Variants in SSH2 observed in about 807,000 individuals in gnomAD.
SSH2 encodes slingshot protein phosphatase 2, also known as protein phosphatase Slingshot homolog 2.
In SSH2, 37 loss-of-function variants were observed where a neutral mutation model predicts 135.2. That is an observed-to-expected ratio of 0.27 (90% confidence interval 0.21 to 0.36). The LOEUF is 0.36. Among genes scored for constraint, SSH2 ranks in the 10% least tolerant of loss-of-function variants. The pLI, the probability that SSH2 is intolerant of heterozygous loss-of-function variation, is 1.00. For synonymous variants in SSH2, 628 were observed against 646.2 expected, an observed-to-expected ratio of 0.97 and a Z score of 0.43; for missense variants, 1,408 against 1,765.3, an observed-to-expected ratio of 0.80 and a Z score of 3.63.
At chr17:29,803,627 G>A (rs774646958) in intron 2 of SSH2, among the ~76,000 whole-genome samples, 22 of 152,106 alleles carry the variant, frequency 1.4e-4, no homozygotes, top group Non-Finnish European at 2.6e-4. Context: ...GATTCCCTTC[G>A]CACAATAGCA....
intron 2 of SSH2, among the ~76,000 whole-genome samples, chr17:29,813,272 A>C (rs1012214933): frequency 6.6e-6 from 1 of 151,732 alleles, no homozygotes; most frequent in Non-Finnish European, 1.5e-5. Flanking sequence ...AATCCCAGCT[A>C]CTTGGGAGGC....
intron 1 of SSH2, among the ~76,000 whole-genome samples, chr17:29,884,867 C>T (rs2066204943): frequency 6.6e-6 from 1 of 152,210 alleles, no homozygotes; most frequent in Admixed American, 6.5e-5. Context: ...CAACAATCCA[C>T]TCTAAATTGT....
At chr17:29,865,927 C>G (rs2065846337) in intron 1 of SSH2, 1 of 151,908 alleles carries the variant, frequency 6.6e-6, no homozygotes, top group African/African-American at 2.4e-5. Flanking sequence ...ATGGTGAAAC[C>G]CTGTCTCCAC....
At chr17:29,904,945 A>G (rs780794482) in intron 1 of SSH2, among the ~76,000 whole-genome samples, 4 of 152,204 alleles carry the variant, frequency 2.6e-5, no homozygotes, top group Non-Finnish European at 5.9e-5. Flanking sequence ...TAACAAGGGA[A>G]GTGAAGGACC....
chr17:29,887,225 A>G (rs2066255475), intron 1 of SSH2, among the ~76,000 whole-genome samples: 1 of 152,246 alleles, frequency 6.6e-6, no homozygotes. Flanking sequence ...GCAAGCTATT[A>G]GCATAGAACA....
chr17:29,857,235 A>C (rs1186952651), intron 1 of SSH2, among the ~76,000 whole-genome samples: 3 of 152,180 alleles, frequency 2.0e-5, no homozygotes, highest in Non-Finnish European at 4.4e-5. Flanking sequence ...ATGGCTGGGG[A>C]AGCCTCACAA....
chr17:29,761,432 T>C, intron 3 of SSH2: 2 of 1,006,762 alleles, frequency 2.0e-6, no homozygotes, highest in East Asian at 1.1e-4. Flanking sequence ...GAGTCCGGAC[T>C]GACGGGCGTC....
At chr17:29,660,563 C>T (rs2036990075) in intron 11 of SSH2, among the ~76,000 whole-genome samples, 2 of 152,108 alleles carry the variant, frequency 1.3e-5, no homozygotes, top group Admixed American at 1.3e-4. Flanking sequence ...CTGTGCCTGG[C>T]CAACCTCTCT....
chr17:29,925,618 AG>A (rs2067050432), intron 1 of SSH2: 1 of 395,966 alleles, frequency 2.5e-6, no homozygotes, highest in African/African-American at 2.1e-5. Context: ...CTGAGGCAGG[AG>A]GATCACTTGA....
chr17:29,679,618 C>A (rs1567870576), intron 6 of SSH2, among the ~76,000 whole-genome samples: 1 of 152,062 alleles, frequency 6.6e-6, no homozygotes, highest in African/African-American at 2.4e-5. Flanking sequence ...ATTGGTCAGG[C>A]TGGTCTTGAA....
At chr17:29,725,365 A>AAAAAAAAAAAAAC (rs1248566490) in intron 3 of SSH2, among the ~76,000 whole-genome samples, 1 of 150,466 alleles carries the variant, frequency 6.6e-6, no homozygotes, top group Non-Finnish European at 1.5e-5. Flanking sequence ...AAAAAAAAAA[A>AAAAAAAAAAAAAC]AAAAGCCAGG....
intron 14 of SSH2, among the ~76,000 whole-genome samples, chr17:29,644,118 C>G (rs1030594215): frequency 6.6e-6 from 1 of 152,162 alleles, no homozygotes; most frequent in African/African-American, 2.4e-5. Flanking sequence ...AGTGGTACAA[C>G]TTTTATCTTT....
At chr17:29,902,839 T>C (rs2066583773) in intron 1 of SSH2, among the ~76,000 whole-genome samples, 1 of 152,128 alleles carries the variant, frequency 6.6e-6, no homozygotes, top group South Asian at 2.1e-4. Context: ...CCATGGTGAA[T>C]ACTTTTTGAG....
chr17:29,879,230 C>T (rs1301427379), intron 1 of SSH2, among the ~76,000 whole-genome samples: 1 of 151,948 alleles, frequency 6.6e-6, no homozygotes, highest in Non-Finnish European at 1.5e-5. Context: ...TTATCATTTC[C>T]ATATTATGGA....
intron 1 of SSH2, among the ~76,000 whole-genome samples, chr17:29,862,726 A>G (rs996904412): frequency 3.9e-5 from 6 of 152,176 alleles, no homozygotes; most frequent in African/African-American, 1.4e-4. Flanking sequence ...CAATTAGCCT[A>G]TTTCATTTGC....
At chr17:29,777,716 A>G in intron 3 of SSH2, 1 of 169,364 alleles carries the variant, frequency 5.9e-6, no homozygotes, top group South Asian at 1.4e-4. Flanking sequence ...TGCTTGTATG[A>G]GTTGCCCTAA....
chr17:29,883,073 A>C (rs1449207435), intron 1 of SSH2: 5 of 152,094 alleles, frequency 3.3e-5, no homozygotes, highest in African/African-American at 1.2e-4. Context: ...GCCTCCCTTA[A>C]ACCTTGTTAC....
intron 3 of SSH2, among the ~76,000 whole-genome samples, chr17:29,758,325 A>G (rs1312534388): frequency 1.3e-5 from 2 of 152,212 alleles, no homozygotes; most frequent in African/African-American, 4.8e-5. Flanking sequence ...TTCTAAGGAC[A>G]GTTTTGTCAC....
chr17:29,731,135 A>T (rs941206276), intron 3 of SSH2, among the ~76,000 whole-genome samples: 1 of 152,198 alleles, frequency 6.6e-6, no homozygotes, highest in Non-Finnish European at 1.5e-5. Context: ...CTCCATTCAC[A>T]TGAGATAAGG....
Sources: allele counts gnomAD v4.1 joint callset (sites outside exome capture counted in the v4.1 genomes callset), GRCh38; gene constraint gnomAD v4.1.1; transcripts MANE v1.5; gene names NCBI Gene and HGNC (gene_info 2026-07-23, HGNC 2026-07-21).